Variants in RUVBL1 observed in about 807,000 individuals in gnomAD.
RUVBL1 encodes the protein ruvB-like 1.
Under a neutral mutation model 52.4 loss-of-function variants are expected in RUVBL1, and 4 were observed. That is an observed-to-expected ratio of 0.08 (90% CI 0.04 to 0.17). The LOEUF (loss-of-function observed/expected upper bound fraction) is 0.17. Among genes scored for constraint, RUVBL1 ranks in the 10% least tolerant of loss-of-function variants. RUVBL1 has a pLI of 1.00. For synonymous variants in RUVBL1, 217 were observed against 214.4 expected (o/e 1.01, Z -0.10); for missense variants, 298 against 572.8 (o/e 0.52, Z 4.90).
At chr3:128,120,593 A>G (rs753752125) in intron 1 of RUVBL1, among the ~76,000 whole-genome samples, 5 of 152,218 alleles carry the variant, frequency 3.3e-5, no homozygotes, top group Admixed American at 2.0e-4. Context: ...CACTGATTTA[A>G]TAACTGAATA....
rs1294075363 is a variant in RUVBL1 at position 128,081,343 on chromosome 3, C to T, written c.1278G>A (p.Glu426=). ...CACTGATCTCTTCGACATGCTCTTT[C>T]TCAATGCTGTCCTTCCCGTTGATTT... ...LAKINGKDSI[E]KEHVEEISEL... Residue 426 remains glutamate, a synonymous_variant, in exon 11 of 11, where the codon GAG becomes GAA. Coordinates refer to ENST00000322623, the MANE Select transcript of RUVBL1 (RefSeq NM_003707.3). This position sits in a 1 kb window ranked among gnomAD's most constrained non-coding sequence, Gnocchi z 4.8. The T allele has an allele frequency of 1.9e-6, 3 of 1,614,258 alleles. No individual in the cohort carries two copies. Among genetic ancestry groups the T allele is most frequent in the Non-Finnish European group, 2.5e-6 (3 of 1,180,040 alleles).
At chr3:128,109,200 A>G (rs1943318974) in intron 3 of RUVBL1, among the ~76,000 whole-genome samples, 9 of 152,082 alleles carry the variant, frequency 5.9e-5, no homozygotes, top group Admixed American at 5.9e-4. Context: ...TTTACTTCAT[A>G]ATTAATTAAT....
intron 2 of RUVBL1, among the ~76,000 whole-genome samples, chr3:128,118,991 C>T (rs1943585691): frequency 6.6e-6 from 1 of 152,130 alleles, no homozygotes. Flanking sequence ...TTTGTCCCCT[C>T]AAGTAAGATG....
At chr3:128,146,121 G>A (rs1457740774) in intron 1 of RUVBL1, among the ~76,000 whole-genome samples, 1 of 152,200 alleles carries the variant, frequency 6.6e-6, no homozygotes, top group African/African-American at 2.4e-5. Context: ...GGACGTGACA[G>A]TTGAACTTGG....
chr3:128,133,092 C>T (rs1042612258), intron 1 of RUVBL1, among the ~76,000 whole-genome samples: 5 of 152,136 alleles, frequency 3.3e-5, no homozygotes, highest in South Asian at 2.1e-4. Flanking sequence ...TGAGCATCAG[C>T]GGTAGCCAGG....
chr3:128,067,006 A>C lies in RUVBL1; in HGVS notation c.940-1786T>G. The stretch of plus-strand genomic sequence containing the variant: ...TCGGCCCGCTACCGTGGCCAGTACA[A>C]CACCTATCCCATCAAGCTCTTCTAT... On this transcript the variant is annotated intron_variant, in intron 9 of 9. Transcript: ENST00000464873. This position sits in a 1 kb window ranked among gnomAD's most constrained non-coding sequence, Gnocchi z 4.1. 2.5e-6 allele frequency: 4 copies of C among 1,614,174 alleles called. No homozygotes were observed. Among genetic ancestry groups the C allele is most frequent in the African/African-American group, 2.7e-5 (2 of 75,040 alleles).
chr3:128,078,925 C>G (rs1942400721), downstream of RUVBL1: 1 of 152,270 alleles, frequency 6.6e-6, no homozygotes. Context: ...GAGCACAGAC[C>G]AGCGAACTGG....
At chr3:128,100,811 C>A in intron 5 of RUVBL1, 67 bp from the exon 6 acceptor site, 1 of 1,583,264 alleles carries the variant, frequency 6.3e-7, no homozygotes, top group South Asian at 1.1e-5. Context: ...TGGCACAGGG[C>A]TAAGTGAGAT....
At chr3:128,091,030 T>C (rs1255346754) in intron 8 of RUVBL1, among the ~76,000 whole-genome samples, 1 of 152,218 alleles carries the variant, frequency 6.6e-6, no homozygotes, top group Non-Finnish European at 1.5e-5. Flanking sequence ...TTAAAGTCTA[T>C]TAAAAGGCTA....
At chr3:128,065,332 A>G (rs543752215) in intron 9 of RUVBL1, 2 of 587,806 alleles carry the variant, frequency 3.4e-6, no homozygotes, top group Non-Finnish European at 6.0e-6. Context: ...GTTCAAGAGA[A>G]GCAAAAAGTA....
rs773281133 is a variant in RUVBL1, at chr3:128,081,366, T to C, written c.1255A>G (p.Ile419Val). 3.1e-6 allele frequency: 5 copies of C among 1,614,064 alleles called. 1 individual carries two copies. The South Asian group carries it at 5.5e-5, about 18-fold the overall frequency. Residue 419 changes from isoleucine to valine, a missense_variant, in exon 11 of 11, where the codon ATC becomes GTC. Physicochemically the swap from Ile to Val is conservative, Grantham distance 29. Transcript: ENST00000322623. The surrounding 1 kb of genome is among the most constrained non-coding windows in gnomAD (Gnocchi z 4.8). ...LLTPANLLAK[I>V]NGKDSIEKEH... ...TTCTCAATGCTGTCCTTCCCGTTGA[T>C]TTTAGCAAGCAAGTTGGCCGGGGTC...
intron 1 of RUVBL1, among the ~76,000 whole-genome samples, chr3:128,138,297 T>C (rs1943975010): frequency 6.6e-6 from 1 of 151,944 alleles, no homozygotes; most frequent in Non-Finnish European, 1.5e-5. Context: ...AACTAAAGAT[T>C]ACATGCACAC....
At chr3:128,101,933 T>C (rs981219163) in intron 4 of RUVBL1, among the ~76,000 whole-genome samples, 14 of 152,222 alleles carry the variant, frequency 9.2e-5, no homozygotes, top group Non-Finnish European at 1.6e-4. Flanking sequence ...TACTCTCCTC[T>C]TTCCCTTGAT....
intron 8 of RUVBL1, among the ~76,000 whole-genome samples, chr3:128,089,585 T>C (rs570465171): frequency 6.6e-6 from 1 of 152,268 alleles, no homozygotes; most frequent in Admixed American, 6.5e-5. Flanking sequence ...TCTATCCAGT[T>C]GAGGTATAAA....
In RUVBL1 at chr3:128,082,415, C is replaced by T; in HGVS notation, c.1211+68G>A. The T allele has an allele frequency of 2.5e-6, 3 of 1,204,420 alleles. No individual in the cohort carries two copies. Among genetic ancestry groups the T allele is most frequent in the Non-Finnish European group, 3.7e-6 (3 of 810,234 alleles). 74.6% of individuals were successfully genotyped at this position (1,204,420 alleles called of 1,614,324 possible). A position where few individuals can be genotyped will look rare whatever the true frequency, so the allele number is the denominator to read the frequency against. On this transcript the variant is annotated intron_variant, in intron 10 of 10. Coordinates refer to ENST00000322623, the MANE Select transcript of RUVBL1 (RefSeq NM_003707.3). The surrounding 1 kb of genome is among the most constrained non-coding windows in gnomAD (Gnocchi z 4.7). ...TAGGAAGGGACCTGCCTTTATTGTCCAGAATGACCCCAGCGAGGGCCCTGG... is the reference window on the plus strand; with the variant it reads ...TAGGAAGGGACCTGCCTTTATTGTCTAGAATGACCCCAGCGAGGGCCCTGG...
chr3:128,148,804 A>AT (rs1462402241), intron 1 of RUVBL1, among the ~76,000 whole-genome samples: 2 of 152,068 alleles, frequency 1.3e-5, no homozygotes, highest in Non-Finnish European at 2.9e-5. Context: ...TGTGCACCCT[A>AT]TTTTTTCAGT....
chr3:128,122,476 T>C (rs924727800), intron 1 of RUVBL1, among the ~76,000 whole-genome samples: 1 of 152,224 alleles, frequency 6.6e-6, no homozygotes, highest in African/African-American at 2.4e-5. Context: ...GCAGTGGACA[T>C]ATAGCTACTT....
chr3:128,131,542 A>C (rs975141800), intron 1 of RUVBL1, among the ~76,000 whole-genome samples: 1 of 151,656 alleles, frequency 6.6e-6, no homozygotes, highest in Non-Finnish European at 1.5e-5. Flanking sequence ...ACAAAAAAAA[A>C]CAGATCAAGA....
intron 1 of RUVBL1, among the ~76,000 whole-genome samples, chr3:128,147,115 G>A (rs1284806033): frequency 4.6e-5 from 7 of 152,276 alleles, no homozygotes; most frequent in African/African-American, 1.7e-4. Context: ...TCTGTTGCCC[G>A]GGCTGGGGTG....
Sources: gnomAD v4.1 joint callset for allele counts (sites outside exome capture counted in the v4.1 genomes callset) on GRCh38, gnomAD v4.1.1 for gene constraint, Gnocchi (gnomAD v3.1) non-coding constraint, MANE v1.5 for transcripts, NCBI Gene and HGNC (gene_info 2026-07-23, HGNC 2026-07-21) for gene names.